The following GSE1 variants were observed in gnomAD, a reference collection of about 807,000 sequenced individuals.
GSE1 encodes Gse1 coiled-coil protein, also known as genetic suppressor element 1.
In GSE1, 32 loss-of-function variants were observed where a neutral mutation model predicts 112.6. The ratio of observed to expected loss-of-function variants is 0.28; its 90% CI spans 0.21 to 0.38. The LOEUF is 0.38. GSE1 is among the 10% of genes least tolerant of loss of function. The pLI is 1.00. For missense variants in GSE1, 2,348 were observed against 1,699.2 expected (o/e 1.38, Z -6.71); for synonymous variants, 1,115 against 735.6 (o/e 1.52, Z -8.35).
intron 1 of GSE1, among the ~76,000 whole-genome samples, chr16:85,263,892 C>T (rs1311865861): frequency 2.6e-5 from 4 of 152,146 alleles, no homozygotes; most frequent in South Asian, 2.1e-4. Context: ...ATTTTGTATT[C>T]GTCATTCCAG....
At chr16:85,560,073 G>T (rs2045438109) in intron 1 of GSE1, among the ~76,000 whole-genome samples, 1 of 139,570 alleles carries the variant, frequency 7.2e-6, no homozygotes, top group Non-Finnish European at 1.5e-5. Flanking sequence ...GGTCATTATT[G>T]TTATTGAGGT....
Position 85,587,823 on chromosome 16 carries a change from C to A in GSE1, c.37+31460C>A, listed in dbSNP as rs550080628. Among the ~76,000 whole-genome samples, 45 of 152,302 alleles carry A rather than the reference C, an allele frequency of 3.0e-4. No homozygotes were observed. In the South Asian group the frequency reaches 9.1e-3, roughly 31 times the overall value. ...GGCTGTTCCTCGCCCTACCCCCAAG[C>A]CTTCCCGGACCCTTGGGCCCCCTCC... On this transcript the variant is annotated intron_variant, in intron 1 of 2. Transcript: ENST00000635906.
intron 1 of GSE1, among the ~76,000 whole-genome samples, chr16:85,200,024 A>G (rs995570128): frequency 2.0e-5 from 3 of 152,132 alleles, no homozygotes; most frequent in African/African-American, 4.8e-5. Context: ...GCCATAAATA[A>G]AAATAGCTGT....
At chr16:85,579,130 C>T (rs2046347368) in intron 1 of GSE1, among the ~76,000 whole-genome samples, 2 of 152,098 alleles carry the variant, frequency 1.3e-5, no homozygotes, top group African/African-American at 4.8e-5. Flanking sequence ...AGTGGGGTGA[C>T]CTTGGTGGTG....
chr16:85,663,525 A>T lies in GSE1; in HGVS notation c.2555A>T (p.Asp852Val). ...GCGCTGTCTACCCGCTACAGCCCTG[A>T]TGAGATGAACAACAGTCCCAACTTC... ...RLALSTRYSP[D>V]EMNNSPNFEE... Residue 852 changes from aspartate (D) to valine (V), a missense_variant, in exon 11 of 16, where the codon GAT becomes GTT. Coordinates refer to ENST00000253458, the MANE Select transcript of GSE1 (RefSeq NM_014615.5). 1 of 1,613,866 alleles carries T rather than the reference A, an allele frequency of 6.2e-7. No homozygotes were observed. The highest frequency in any genetic ancestry group is 1.3e-5 in the African/African-American group (1 of 74,972).
chr16:85,302,535 C>G (rs915840604), intron 1 of GSE1, among the ~76,000 whole-genome samples: 4 of 152,004 alleles, frequency 2.6e-5, no homozygotes, highest in Non-Finnish European at 5.9e-5. Flanking sequence ...GGGAGGACAG[C>G]AGGCGTGAGA....
intron 8 of GSE1, among the ~76,000 whole-genome samples, chr16:85,659,836 C>G (rs879418371): frequency 6.6e-6 from 1 of 152,236 alleles, no homozygotes; most frequent in East Asian, 1.9e-4. Flanking sequence ...CCCTCCCTGC[C>G]TCAGCAGGCC....
chr16:85,178,576 C>G (rs1012110314), intron 1 of GSE1, among the ~76,000 whole-genome samples: 4 of 152,068 alleles, frequency 2.6e-5, no homozygotes, highest in African/African-American at 9.7e-5. Context: ...AGGGTGAGAA[C>G]TGCTGACGGA....
At chr16:85,195,322 G>A (rs963154150) in intron 1 of GSE1, among the ~76,000 whole-genome samples, 1 of 152,202 alleles carries the variant, frequency 6.6e-6, no homozygotes, top group Non-Finnish European at 1.5e-5. Flanking sequence ...CACCGGGCAG[G>A]CGAGTTGGAA....
chr16:85,308,676 A>G (rs1382008730), intron 1 of GSE1, among the ~76,000 whole-genome samples: 1 of 152,004 alleles, frequency 6.6e-6, no homozygotes, highest in East Asian at 1.9e-4. Context: ...ATATATTTTT[A>G]AAACACATTG....
intron 2 of GSE1, among the ~76,000 whole-genome samples, chr16:85,511,191 G>A (rs1448646319): frequency 1.3e-5 from 2 of 152,198 alleles, no homozygotes; most frequent in Non-Finnish European, 2.9e-5. Flanking sequence ...GCAAGAACCT[G>A]GAAGGCTTTT....
chr16:85,176,658 A>G (rs1333391599), intron 1 of GSE1, among the ~76,000 whole-genome samples: 1 of 152,252 alleles, frequency 6.6e-6, no homozygotes, highest in Non-Finnish European at 1.5e-5. Context: ...TGGCGCATGC[A>G]GCTGTTTACC....
At chr16:85,454,747 C>T (rs1020823939) in intron 2 of GSE1, among the ~76,000 whole-genome samples, 2 of 151,886 alleles carry the variant, frequency 1.3e-5, no homozygotes, top group African/African-American at 4.8e-5. Context: ...GCCGTGTAGA[C>T]GCGTCACTCC....
At chr16:85,542,514 C>T (rs560848830) in intron 2 of GSE1, among the ~76,000 whole-genome samples, 8 of 152,220 alleles carry the variant, frequency 5.3e-5, no homozygotes, top group South Asian at 2.1e-4. Flanking sequence ...TCTGCCCAGG[C>T]GCAGCAAGCC....
intron 1 of GSE1, among the ~76,000 whole-genome samples, chr16:85,220,815 C>G (rs1242359213): frequency 6.6e-6 from 1 of 152,162 alleles, no homozygotes; most frequent in Non-Finnish European, 1.5e-5. Context: ...GTATGTGTCT[C>G]TGTCTCTGAT....
chr16:85,200,898 G>T (rs2075016178), intron 1 of GSE1, among the ~76,000 whole-genome samples: 1 of 152,210 alleles, frequency 6.6e-6, no homozygotes, highest in South Asian at 2.1e-4. Flanking sequence ...ACTTCCTGCA[G>T]CCCTGGCTGC....
chr16:85,206,233 G>C (rs550208222), intron 1 of GSE1, among the ~76,000 whole-genome samples: 2 of 152,252 alleles, frequency 1.3e-5, no homozygotes, highest in South Asian at 4.1e-4. Context: ...GTGGTGGGAA[G>C]ACCTGTGTTT....
intron 2 of GSE1, among the ~76,000 whole-genome samples, chr16:85,442,467 TGAAG>T (rs2049400948): frequency 1.3e-5 from 2 of 151,788 alleles, no homozygotes; most frequent in South Asian, 2.1e-4. Flanking sequence ...AATGAATGAA[TGAAG>T]GGATAGAGAG....
At position 85,290,088 on chromosome 16, in the gene GSE1, C is replaced by T. The variant is rs113073071; in HGVS notation, c.2284-67375C>T. ...ACGATGCCTCTTCCCCTCCCAGAGT[C>T]GCCGCTTGGGTTTTCTTTGGTGAAG... is the stretch of plus-strand genomic sequence containing the variant. On this transcript the variant is annotated intron_variant, in intron 1 of 2. Coordinates refer to the GSE1 transcript ENST00000637419. Among the ~76,000 whole-genome samples the T allele has an allele frequency of 2.0e-3, 306 of 152,296 alleles. 2 individuals are homozygous for T. The highest frequency in any genetic ancestry group is 6.9e-3 in the African/African-American group (287 of 41,564).
Sources: gnomAD v4.1 joint callset for allele counts (sites outside exome capture counted in the v4.1 genomes callset) on GRCh38, gnomAD v4.1.1 for gene constraint, MANE v1.5 for transcripts, NCBI Gene and HGNC (gene_info 2026-07-23, HGNC 2026-07-21) for gene names.